Variants in THOC6 observed in about 807,000 individuals in gnomAD.
THOC6 encodes THO complex subunit 6.
Under a neutral mutation model 55.8 loss-of-function variants are expected in THOC6, and 39 were observed. That is an observed-to-expected ratio of 0.70 (90% CI 0.54 to 0.91). The LOEUF is 0.91. Among genes scored for constraint, THOC6 ranks in the 40% least tolerant of loss-of-function variants. The pLI is 0.00. For synonymous variants in THOC6, 192 were observed against 175.6 expected, an observed-to-expected ratio of 1.09 and a Z score of -0.74; for missense variants, 482 against 442.0, an observed-to-expected ratio of 1.09 and a Z score of -0.81.
In THOC6 at chr16:3,027,019, G is replaced by A. The variant is rs746958941; in HGVS notation, c.645G>A (p.Ser215=). The part of the protein sequence containing the change: ...TIEVYKHEEC[S]RPHNGRWIGC... ...TCCCCTCCCCATCCCAGGAGTGCTCGAGGCCCCACAATGGGCGCTGGATTG... is the reference window on the plus strand; with the variant it reads ...TCCCCTCCCCATCCCAGGAGTGCTCAAGGCCCCACAATGGGCGCTGGATTG... The change falls in exon 10 of 13, where the codon TCG becomes TCA. Residue 215 remains serine (S), a synonymous_variant. Coordinates refer to ENST00000326266, the MANE Select transcript of THOC6 (RefSeq NM_024339.5). 1.2e-5 allele frequency: 19 copies of A among 1,614,138 alleles called. No individual in the cohort carries two copies. The highest frequency in any genetic ancestry group is 1.6e-4 in the Middle Eastern group (1 of 6,062).
Position 3,026,002 on chromosome 16 carries a change from T to C in THOC6, c.220+14T>C. On this transcript the variant is annotated intron_variant, in intron 3 of 12. Coordinates refer to ENST00000326266, the MANE Select transcript of THOC6 (RefSeq NM_024339.5). Reference sequence around the variant, plus strand: ...TGACTTTCCAAGGTGGGTATACCTGTGGAGTCTGGCTTCAGGACTTTGGGT... The same window carrying C: ...TGACTTTCCAAGGTGGGTATACCTGCGGAGTCTGGCTTCAGGACTTTGGGT... The C allele has an allele frequency of 6.2e-7, 1 of 1,614,186 alleles. No individual in the cohort carries two copies. The highest frequency in any genetic ancestry group is 8.5e-7 in the Non-Finnish European group (1 of 1,180,032).
At chr16:3,025,103 C>T (rs1230080904) in intron 1 of THOC6, among the ~76,000 whole-genome samples, 1 of 151,618 alleles carries the variant, frequency 6.6e-6, no homozygotes, top group Non-Finnish European at 1.5e-5. Flanking sequence ...CCACCACTCC[C>T]AGCTAATTTT....
Position 3,026,403 on chromosome 16 carries a change from T to G in THOC6, c.401T>G (p.Leu134Arg). The G allele has an allele frequency of 6.2e-7, 1 of 1,614,136 alleles. No homozygotes were observed. Among genetic ancestry groups the G allele is most frequent in the Non-Finnish European group, 8.5e-7 (1 of 1,180,032 alleles). ...LEVPEINALL[L>R]VPKENSLILA... ...GTGCCTGAGATCAACGCTTTGCTGC[T>G]GGTCCCCAAGGTCTGAGCCCCATGT... is the stretch of plus-strand genomic sequence containing the variant. Residue 134 changes from leucine (L) to arginine (R), a missense_variant, in exon 6 of 13, where the codon CTG (leucine) becomes CGG (arginine). Coordinates refer to ENST00000326266, the MANE Select transcript of THOC6 (RefSeq NM_024339.5).
intron 1 of THOC6, among the ~76,000 whole-genome samples, chr16:3,025,133 G>T (rs540453813): frequency 3.3e-5 from 5 of 151,424 alleles, no homozygotes; most frequent in South Asian, 4.2e-4. Context: ...GCAGAGACAG[G>T]GTTTCTCCAT....
intron 4 of THOC6, 29 bp downstream of exon 4, chr16:3,026,195 G>C: frequency 6.2e-7 from 1 of 1,613,438 alleles, no homozygotes; most frequent in East Asian, 2.2e-5. Context: ...GAAAGGGCTG[G>C]GGTGCCTGGA....
Position 3,027,562 on chromosome 16 carries a change from C to T in THOC6, c.946-15C>T. The T allele has an allele frequency of 1.9e-6, 3 of 1,613,588 alleles. No homozygotes were observed. Among genetic ancestry groups the T allele is most frequent in the South Asian group, 2.2e-5 (2 of 91,046 alleles). Reference sequence around the variant, plus strand: ...AGGGGTGTGGGCAGGCCAGTCATGCCCCTCTTTCCTCCAGGTCCTGACAGC... The same window carrying T: ...AGGGGTGTGGGCAGGCCAGTCATGCTCCTCTTTCCTCCAGGTCCTGACAGC... On this transcript the variant is annotated splice_polypyrimidine_tract_variant and intron_variant, in intron 12 of 12. Coordinates refer to ENST00000326266, the MANE Select transcript of THOC6 (RefSeq NM_024339.5).
chr16:3,025,648 A>G, intron 1 of THOC6, 60 bp from the exon 2 acceptor site: 1 of 1,496,546 alleles, frequency 6.7e-7, no homozygotes, highest in South Asian at 1.1e-5. Context: ...AGCAGGGAGG[A>G]ATCTGTGGAT....
rs1411616953 is a variant in THOC6, at chr16:3,024,283, G to A, written c.-44G>A. On this transcript the variant is annotated 5_prime_UTR_variant, in exon 1 of 13. Transcript: ENST00000326266. ...GCTCTAGGCACGTAAGGCCTCGTGA[G>A]GTTGCGTCGCGCGCGGAGCACTCTG... 1.2e-5 allele frequency: 20 copies of A among 1,613,794 alleles called. No homozygotes were observed. The highest frequency in any genetic ancestry group is 1.7e-5 in the Non-Finnish European group (20 of 1,179,862).
chr16:3,024,380 G>C lies in THOC6; in HGVS notation c.39+15G>C. 6.2e-7 allele frequency: 1 copy of C among 1,614,150 alleles called. No individual in the cohort carries two copies. Among genetic ancestry groups the C allele is most frequent in the East Asian group, 2.2e-5 (1 of 44,870 alleles). On this transcript the variant is annotated intron_variant, in intron 1 of 12. Transcript: ENST00000326266. ...CTCTGGGTCAGGTGAGACGGACGTG[G>C]TGCGCGTTGCCTTCTGGGGTTTGTA...
At chr16:3,025,849 T>C in intron 2 of THOC6, 26 bp downstream of exon 2, 1 of 1,614,104 alleles carries the variant, frequency 6.2e-7, no homozygotes, top group Non-Finnish European at 8.5e-7. Flanking sequence ...GTCCACCCAT[T>C]AGCCCTGGCA....
At position 3,024,385 on chromosome 16, in the gene THOC6, C is replaced by G. The variant is rs1254489206; in HGVS notation, c.39+20C>G. 3 of 1,614,036 alleles carry G rather than the reference C, an allele frequency of 1.9e-6. No homozygotes were observed. Among genetic ancestry groups the G allele is most frequent in the Non-Finnish European group, 2.5e-6 (3 of 1,179,968 alleles). ...GGTCAGGTGAGACGGACGTGGTGCG[C>G]GTTGCCTTCTGGGGTTTGTAGTTCA... On this transcript the variant is annotated intron_variant, in intron 1 of 12. Transcript: ENST00000326266.
At chr16:3,025,417 G>A (rs2072761442) in intron 1 of THOC6, among the ~76,000 whole-genome samples, 1 of 152,190 alleles carries the variant, frequency 6.6e-6, no homozygotes, top group Non-Finnish European at 1.5e-5. Context: ...TAATTGTGAT[G>A]GAATCTTCTG....
chr16:3,026,292 A>C lies in THOC6; in HGVS notation c.362+4A>C. On this transcript the variant is annotated splice_donor_region_variant and intron_variant, in intron 5 of 12. Coordinates refer to ENST00000326266, the MANE Select transcript of THOC6 (RefSeq NM_024339.5). The stretch of plus-strand genomic sequence containing the variant: ...GGCGTCGTCAGCCTCCATACAGGTG[A>C]GCAGGGCCACGTGGATAGAGGGTGC... The C allele has an allele frequency of 1.2e-6, 2 of 1,614,134 alleles. No individual in the cohort carries two copies. The highest frequency in any genetic ancestry group is 1.7e-6 in the Non-Finnish European group (2 of 1,180,022).
intron 5 of THOC6, 26 bp downstream of exon 5, chr16:3,026,314 G>T (rs1295005802): frequency 1.9e-6 from 3 of 1,614,084 alleles, no homozygotes. Context: ...TGGATAGAGG[G>T]TGCATCAGGG....
At position 3,027,670 on chromosome 16, in the gene THOC6, C is replaced by G. The variant is rs2072836806; in HGVS notation, c.*13C>G. On this transcript the variant is annotated 3_prime_UTR_variant, in exon 13 of 13. Coordinates refer to ENST00000326266, the MANE Select transcript of THOC6 (RefSeq NM_024339.5). Reference sequence around the variant, plus strand: ...CCTGTCCTTCTGATCTCTGACGACACCCCCAGCCAGCTCAGGGTTTTAGAG... The same window carrying G: ...CCTGTCCTTCTGATCTCTGACGACAGCCCCAGCCAGCTCAGGGTTTTAGAG... The G allele has an allele frequency of 6.2e-7, 1 of 1,610,682 alleles. No individual in the cohort carries two copies. Among genetic ancestry groups the G allele is most frequent in the South Asian group, 1.1e-5 (1 of 90,414 alleles).
At position 3,027,236 on chromosome 16, in the gene THOC6, C is replaced by T. The variant is rs1298518272; in HGVS notation, c.766C>T (p.Pro256Ser). Residue 256 changes from proline to serine, a missense_variant, in exon 11 of 13, where the codon CCC (proline) becomes TCC (serine). Coordinates refer to ENST00000326266, the MANE Select transcript of THOC6 (RefSeq NM_024339.5). ...LRSSTPTTIFPIRAPQKHVTF... is the reference protein window; with the variant it reads ...LRSSTPTTIFSIRAPQKHVTF... Reference sequence around the variant, plus strand: ...ATCCTCCACACCCACCACCATCTTCCCCATCCGGGCGCCACAGAAGCACGT... The same window carrying T: ...ATCCTCCACACCCACCACCATCTTCTCCATCCGGGCGCCACAGAAGCACGT... The T allele has an allele frequency of 2.5e-6, 4 of 1,614,204 alleles. No homozygotes were observed. In the East Asian group the frequency reaches 8.9e-5, roughly 36 times the overall value.
rs759247086 is a variant in THOC6, at chr16:3,027,347, C to T, written c.811-19C>T. On this transcript the variant is annotated intron_variant, in intron 11 of 12. Coordinates refer to ENST00000326266, the MANE Select transcript of THOC6 (RefSeq NM_024339.5). ...TCCCTTCAGTCCTGACCCCTGAGCA[C>T]CTTCCCTGTCCTCTGCAGATTCTGT... 7 of 1,613,034 alleles carry T rather than the reference C, an allele frequency of 4.3e-6. No homozygotes were observed. Among genetic ancestry groups the T allele is most frequent in the Non-Finnish European group, 5.9e-6 (7 of 1,179,212 alleles).
intron 1 of THOC6, among the ~76,000 whole-genome samples, chr16:3,024,937 A>ATTTTT (rs35849212): frequency 9.8e-6 from 1 of 102,360 alleles, no homozygotes. Context: ...GCCCGGCCAA[A>ATTTTT]TTTTTTTTTT....
In THOC6 at chr16:3,026,291, G is replaced by C. The variant is rs567487001; in HGVS notation, c.362+3G>C. On this transcript the variant is annotated splice_donor_region_variant and intron_variant, in intron 5 of 12. Transcript: ENST00000326266. ...TGGCGTCGTCAGCCTCCATACAGGT[G>C]AGCAGGGCCACGTGGATAGAGGGTG... 6.2e-7 allele frequency: 1 copy of C among 1,614,038 alleles called. No individual in the cohort carries two copies. The highest frequency in any genetic ancestry group is 1.7e-5 in the Admixed American group (1 of 60,004).
Sources: gnomAD v4.1 joint callset for allele counts (sites outside exome capture counted in the v4.1 genomes callset) on GRCh38, gnomAD v4.1.1 for gene constraint, MANE v1.5 for transcripts, NCBI Gene and HGNC (gene_info 2026-07-23, HGNC 2026-07-21) for gene names.